Variants in XPOT observed in about 807,000 individuals in gnomAD.
XPOT encodes exportin for tRNA.
XPOT carries 34 observed loss-of-function variants against 128.2 expected under a neutral mutation model. That is an observed-to-expected ratio of 0.27 (90% CI 0.20 to 0.35). The LOEUF (loss-of-function observed/expected upper bound fraction) is 0.35, where lower values mean the gene tolerates loss of function less well. Among genes scored for constraint, XPOT ranks in the 10% least tolerant of loss-of-function variants. The pLI is 1.00. For synonymous variants in XPOT, 348 were observed against 394.3 expected, an observed-to-expected ratio of 0.88 and a Z score of 1.39; for missense variants, 838 against 1,125.3, an observed-to-expected ratio of 0.74 and a Z score of 3.65.
At position 64,444,395 on chromosome 12, in the gene XPOT, T is replaced by C. The variant is rs564110583; in HGVS notation, c.2806-680T>C. 2.6e-5 allele frequency among the ~76,000 whole-genome samples: 4 copies of C among 152,322 alleles called. No homozygotes were observed. The East Asian group carries it at 7.7e-4, about 29-fold the overall frequency. On this transcript the variant is annotated intron_variant, in intron 23 of 24. Transcript: ENST00000332707. ...TCTTGATAAGTTAAATACCATGAATTTGAAGCAACCTTAAATTCCTTTGAC... is the reference window on the plus strand; with the variant it reads ...TCTTGATAAGTTAAATACCATGAATCTGAAGCAACCTTAAATTCCTTTGAC...
At position 64,425,893 on chromosome 12, in the gene XPOT, T is replaced by C; in HGVS notation, c.1651T>C (p.Phe551Leu). ...RSRTAYLFSR[F>L]VKSLNKQMNP... is the part of the protein sequence containing the mutation. Reference sequence around the variant, plus strand: ...CAGGACGGCTTACCTGTTTTCTAGATTTGTCAAATCTCTCAAGTAAGTATA... The same window carrying C: ...CAGGACGGCTTACCTGTTTTCTAGACTTGTCAAATCTCTCAAGTAAGTATA... Residue 551 changes from phenylalanine (F) to leucine (L), a missense_variant, in exon 15 of 25, where the codon TTT becomes CTT. Phe to Leu is a conservative substitution (Grantham distance 22, BLOSUM62 0). Around this residue, in one of 3 missense-constraint regions of XPOT, gnomAD observed 761 missense variants for 988.3 expected, o/e 0.77. Coordinates refer to ENST00000332707, the MANE Select transcript of XPOT (RefSeq NM_007235.6). The C allele has an allele frequency of 6.2e-7, 1 of 1,614,130 alleles. No homozygotes were observed. The highest frequency in any genetic ancestry group is 8.5e-7 in the Non-Finnish European group (1 of 1,179,946).
chr12:64,431,737 G>T lies in XPOT; in HGVS notation c.2176G>T (p.Ala726Ser). Reference sequence around the variant, plus strand: ...AGAAGTTCTTCCGTTCATTCCATCTGCTTCAGAACATATGCTCAAAGATTG... The same window carrying T: ...AGAAGTTCTTCCGTTCATTCCATCTTCTTCAGAACATATGCTCAAAGATTG... The part of the protein sequence containing the change: ...EEEVLPFIPS[A>S]SEHMLKDCEA... The change falls in exon 18 of 25, where the codon GCT becomes TCT. Residue 726 changes from alanine to serine, a missense_variant. Physicochemically the swap from Ala to Ser is moderately conservative, Grantham distance 99. Coordinates refer to ENST00000332707, the MANE Select transcript of XPOT (RefSeq NM_007235.6). 1 of 1,614,058 alleles carries T rather than the reference G, an allele frequency of 6.2e-7. No homozygotes were observed. Among genetic ancestry groups the T allele is most frequent in the African/African-American group, 1.3e-5 (1 of 75,034 alleles).
At position 64,445,054 on chromosome 12, in the gene XPOT, CCT is replaced by C. The variant is rs773525572; in HGVS notation, c.2806-18_2806-17del. On this transcript the variant is annotated intron_variant, in intron 23 of 24. Transcript: ENST00000332707. ...TACAAATACATTTGTTCTTTTTCTC[CCT>C]CTTTTCCCCACCCCCCAGGAGTTTT... 1.3e-6 allele frequency: 2 copies of C among 1,588,112 alleles called. No individual in the cohort carries two copies. The highest frequency in any genetic ancestry group is 1.2e-5 in the South Asian group (1 of 86,402).
chr12:64,410,838 ATTAAT>A (rs942341238), intron 2 of XPOT, among the ~76,000 whole-genome samples: 20 of 1,726 alleles, frequency 0.012, no homozygotes, highest in African/African-American at 0.013. Context: ...TGAGCCTATA[ATTAAT>A]TTTTTTTAAA....
intron 23 of XPOT, among the ~76,000 whole-genome samples, chr12:64,444,652 T>A (rs61931558): frequency 1.3e-5 from 2 of 151,632 alleles, no homozygotes; most frequent in Admixed American, 1.3e-4. Flanking sequence ...TAGGGGAAAA[T>A]GGGGAGTTCT....
At chr12:64,437,578 T>C (rs990287455) in intron 22 of XPOT, among the ~76,000 whole-genome samples, 23 of 152,100 alleles carry the variant, frequency 1.5e-4, no homozygotes, top group Admixed American at 1.5e-3. Context: ...AGCTAAAAAA[T>C]AAGATGAGAC....
intron 24 of XPOT, among the ~76,000 whole-genome samples, chr12:64,447,452 A>C: frequency 6.6e-6 from 1 of 152,142 alleles, no homozygotes. Context: ...TGCTATGTTT[A>C]GCTTTGACTT....
intron 22 of XPOT, 147 bp from the exon 23 acceptor site, chr12:64,439,097 C>T: frequency 3.0e-6 from 2 of 674,174 alleles, no homozygotes; most frequent in Non-Finnish European, 2.5e-6. Flanking sequence ...CAGAGCCAGG[C>T]TTCAAACCAA....
chr12:64,425,511 A>G, intron 14 of XPOT, 54 bp downstream of exon 14: 1 of 1,587,474 alleles, frequency 6.3e-7, no homozygotes, highest in Non-Finnish European at 8.6e-7. Flanking sequence ...ATGACTTGAT[A>G]GTGTAGTATT....
intron 11 of XPOT, 69 bp from the exon 12 acceptor site, chr12:64,424,530 A>G (rs11175386): frequency 6.4e-7 from 1 of 1,572,874 alleles, no homozygotes; most frequent in South Asian, 1.1e-5. Context: ...GTATACATGT[A>G]GCCATGGTGG....
At chr12:64,407,435 G>A (rs1430734900) in intron 1 of XPOT, among the ~76,000 whole-genome samples, 4 of 150,208 alleles carry the variant, frequency 2.7e-5, no homozygotes, top group African/African-American at 7.4e-5. Flanking sequence ...GCAGTGAGCC[G>A]AGATCATGTC....
At chr12:64,431,954 C>G in intron 18 of XPOT, 131 bp downstream of exon 18, 1 of 898,578 alleles carries the variant, frequency 1.1e-6, no homozygotes, top group Middle Eastern at 2.3e-4. Context: ...CCTCATGGAT[C>G]ATATGTATTT....
intron 11 of XPOT, 47 bp from the exon 12 acceptor site, chr12:64,424,552 G>A (rs369882054): frequency 1.2e-5 from 20 of 1,603,410 alleles, no homozygotes; most frequent in Middle Eastern, 2.3e-4. Context: ...TTGCTGCGCC[G>A]ATCAACCCAT....
At chr12:64,419,679 G>A (rs1321552878) in intron 6 of XPOT, among the ~76,000 whole-genome samples, 1 of 152,204 alleles carries the variant, frequency 6.6e-6, no homozygotes, top group East Asian at 1.9e-4. Context: ...AATCTGTTGA[G>A]AAAGGTAGTC....
At chr12:64,440,178 G>C (rs969065542) in intron 23 of XPOT, among the ~76,000 whole-genome samples, 4 of 152,112 alleles carry the variant, frequency 2.6e-5, no homozygotes, top group Non-Finnish European at 5.9e-5. Flanking sequence ...CTCTGATTCT[G>C]TGAATTTGAC....
chr12:64,434,366 G>A (rs2040265445), intron 19 of XPOT, 141 bp from the exon 20 acceptor site: 1 of 606,344 alleles, frequency 1.6e-6, no homozygotes, highest in East Asian at 2.7e-5. Context: ...TGGCAATTCT[G>A]TAAATGCTTT....
chr12:64,423,037 T>C lies in XPOT; in HGVS notation c.1113T>C (p.Asn371=), dbSNP rs774326413. 2 of 1,613,522 alleles carry C rather than the reference T, an allele frequency of 1.2e-6. No homozygotes were observed. Among genetic ancestry groups the C allele is most frequent in the Admixed American group, 1.7e-5 (1 of 59,956 alleles). The change falls in exon 10 of 25, where the codon AAT becomes AAC. Residue 371 remains asparagine, a synonymous_variant. Coordinates refer to ENST00000332707, the MANE Select transcript of XPOT (RefSeq NM_007235.6). The stretch of plus-strand genomic sequence containing the variant: ...TGCTCTCGGATCAGCAAAAAGCTAA[T>C]GTAGAGGTAATTGACTTTATGCTTC... The part of the protein sequence containing the change: ...LTVLSDQQKA[N]VEAIMLAVMK...
intron 22 of XPOT, among the ~76,000 whole-genome samples, chr12:64,438,314 A>G (rs954682495): frequency 2.6e-5 from 4 of 152,160 alleles, no homozygotes; most frequent in Non-Finnish European, 5.9e-5. Flanking sequence ...ACTTTCCCTG[A>G]TTCAAAACAA....
chr12:64,423,106 A>C, intron 10 of XPOT, 63 bp downstream of exon 10: 1 of 1,597,888 alleles, frequency 6.3e-7, no homozygotes, highest in Non-Finnish European at 8.5e-7. Context: ...TTGCCTTGAA[A>C]TGTAGCTTAA....
Sources: allele counts gnomAD v4.1 joint callset (sites outside exome capture counted in the v4.1 genomes callset), GRCh38; gene constraint gnomAD v4.1.1; regional missense constraint gnomAD v4.1.1; transcripts MANE v1.5; gene names NCBI Gene and HGNC (gene_info 2026-07-23, HGNC 2026-07-21).